Variants in INTS4 observed in about 807,000 individuals in gnomAD.
INTS4 encodes integrator complex subunit 4, also known as MSTP093.
Under a neutral mutation model 119.5 loss-of-function variants are expected in INTS4, and 70 were observed. That is an observed-to-expected ratio of 0.59 (90% CI 0.48 to 0.71). The LOEUF is 0.71. Ranked by LOEUF, INTS4 falls within the 30% of genes least tolerant of loss-of-function variation. The pLI, the probability that INTS4 is intolerant of heterozygous loss-of-function variation, is 0.00. For missense variants in INTS4, 867 were observed against 1,173.2 expected (o/e 0.74, Z 3.81); for synonymous variants, 316 against 419.6 (o/e 0.75, Z 3.02).
Position 77,979,114 on chromosome 11 carries a change from G to T in INTS4, c.365-12C>A, listed in dbSNP as rs377285595. The T allele has an allele frequency of 1.0e-5, 16 of 1,543,906 alleles. No individual in the cohort carries two copies. The African/African-American group carries it at 2.0e-4, about 20-fold the overall frequency. ...GACTTGATGAGACTCTAGAGAGGGA[G>T]ATAGAAAGTTGGCTTGTAGAATTTC... On this transcript the variant is annotated splice_polypyrimidine_tract_variant and intron_variant, in intron 3 of 22. Coordinates refer to ENST00000534064, the MANE Select transcript of INTS4 (RefSeq NM_033547.4).
At chr11:77,934,243 A>G (rs1953735942) in intron 10 of INTS4, among the ~76,000 whole-genome samples, 1 of 152,108 alleles carries the variant, frequency 6.6e-6, no homozygotes, top group African/African-American at 2.4e-5. Flanking sequence ...ACCCAGGGAC[A>G]CAAACACTGC....
chr11:77,970,671 A>G (rs1855693754), intron 4 of INTS4, among the ~76,000 whole-genome samples: 1 of 151,688 alleles, frequency 6.6e-6, no homozygotes, highest in South Asian at 2.1e-4. Context: ...TCTACAAAAA[A>G]TACAAAAGTT....
intron 8 of INTS4, among the ~76,000 whole-genome samples, chr11:77,945,405 A>C (rs935017466): frequency 2.0e-5 from 3 of 152,200 alleles, no homozygotes; most frequent in African/African-American, 7.2e-5. Flanking sequence ...ACTAGTGTGC[A>C]TCCTGCCCTG....
intron 17 of INTS4, among the ~76,000 whole-genome samples, chr11:77,901,998 G>C (rs888215265): frequency 6.6e-6 from 1 of 152,160 alleles, no homozygotes; most frequent in Admixed American, 6.5e-5. Flanking sequence ...TGGTCTGAGG[G>C]AGTTTGGGAC....
chr11:77,922,245 AAG>A, intron 13 of INTS4, 109 bp downstream of exon 13: 8 of 1,398,384 alleles, frequency 5.7e-6, no homozygotes, highest in South Asian at 1.5e-5. Flanking sequence ...AAAAAAAAAA[AAG>A]AAAGAAAAGC....
Position 77,891,841 on chromosome 11 carries a change from C to G in INTS4, c.2289-1G>C. The G allele has an allele frequency of 6.2e-7, 1 of 1,610,990 alleles. No individual in the cohort carries two copies. On this transcript the variant is annotated splice_acceptor_variant, in intron 19 of 22. Transcript: ENST00000534064. LOFTEE classifies it high-confidence loss of function. The stretch of plus-strand genomic sequence containing the variant: ...GTGGGGCAAATCAGCGATGAAATAC[C>G]TGGAGGAACAAACAGAAGCAACTGA...
At chr11:77,993,835 C>T (rs1856794027) in intron 1 of INTS4, among the ~76,000 whole-genome samples, 1 of 151,990 alleles carries the variant, frequency 6.6e-6, no homozygotes, top group African/African-American at 2.4e-5. Flanking sequence ...CTTGACTTAT[C>T]AAATAGAATC....
chr11:77,951,885 T>C (rs1954205141), intron 8 of INTS4, among the ~76,000 whole-genome samples: 1 of 152,132 alleles, frequency 6.6e-6, no homozygotes, highest in South Asian at 2.1e-4. Flanking sequence ...AAAGAAGACA[T>C]TTATGCAGCC....
intron 4 of INTS4, 95 bp from the exon 5 acceptor site, chr11:77,961,233 C>G: frequency 7.1e-7 from 1 of 1,399,416 alleles, no homozygotes; most frequent in Non-Finnish European, 9.3e-7. Flanking sequence ...GAAACAAAAG[C>G]ATTGCAGCAA....
intron 10 of INTS4, among the ~76,000 whole-genome samples, chr11:77,937,989 AG>A (rs1410996096): frequency 6.6e-6 from 1 of 152,114 alleles, no homozygotes; most frequent in East Asian, 1.9e-4. Context: ...CTGAGATTAC[AG>A]GTGTATGCCA....
At chr11:77,920,493 A>T (rs1005144363) in intron 14 of INTS4, among the ~76,000 whole-genome samples, 32 of 151,948 alleles carry the variant, frequency 2.1e-4, no homozygotes, top group Non-Finnish European at 4.0e-4. Flanking sequence ...TTTTAAAAAT[A>T]GTAAAGGTTT....
intron 4 of INTS4, among the ~76,000 whole-genome samples, chr11:77,976,941 G>C (rs7124835): frequency 0.39 from 58,943 of 151,942 alleles, 11,653 homozygotes; most frequent in African/African-American, 0.43. Context: ...TGGGGGAAGG[G>C]GGGAGGGATA....
At chr11:77,950,238 G>A (rs1954156842) in intron 8 of INTS4, among the ~76,000 whole-genome samples, 1 of 152,046 alleles carries the variant, frequency 6.6e-6, no homozygotes, top group Admixed American at 6.6e-5. Context: ...CTGGGGGAGG[G>A]ACAGCATTAG....
intron 11 of INTS4, among the ~76,000 whole-genome samples, chr11:77,927,737 T>C (rs1286144956): frequency 6.6e-6 from 1 of 152,120 alleles, no homozygotes; most frequent in African/African-American, 2.4e-5. Flanking sequence ...ACTACAAGAA[T>C]AAAATCAAAT....
Position 77,981,517 on chromosome 11 carries a change from T to C in INTS4, c.306A>G (p.Thr102=). The C allele has an allele frequency of 6.3e-7, 1 of 1,586,354 alleles. No homozygotes were observed. Among genetic ancestry groups the C allele is most frequent in the Non-Finnish European group, 8.6e-7 (1 of 1,165,350 alleles). The change falls in exon 3 of 23, where the codon ACA becomes ACG. Residue 102 remains threonine (T), a synonymous_variant. Coordinates refer to ENST00000534064, the MANE Select transcript of INTS4 (RefSeq NM_033547.4). Reference sequence around the variant, plus strand: ...TAATGCAGTCTGGTGAAAATCCTGCTGTCTTTGATAATAAACCCAACAATG... The same window carrying C: ...TAATGCAGTCTGGTGAAAATCCTGCCGTCTTTGATAATAAACCCAACAATG... The part of the protein sequence containing the change: ...IASLLGLLSK[T]AGFSPDCIMD...
chr11:77,912,260 G>T (rs899414232), intron 15 of INTS4, among the ~76,000 whole-genome samples: 2 of 151,964 alleles, frequency 1.3e-5, no homozygotes, highest in Admixed American at 6.6e-5. Context: ...TATTCAGGAT[G>T]CTGGGGCAGG....
chr11:77,878,534 G>A (rs184633717), downstream of INTS4, among the ~76,000 whole-genome samples: 11 of 152,108 alleles, frequency 7.2e-5, no homozygotes, highest in East Asian at 1.9e-4. Context: ...CTGTTAAAGC[G>A]GCCTTGGAGT....
At chr11:77,879,220 G>A in intron 22 of INTS4, 93 bp from the exon 23 acceptor site, 1 of 1,384,950 alleles carries the variant, frequency 7.2e-7, no homozygotes, top group Non-Finnish European at 9.9e-7. Flanking sequence ...AATGGAAGCA[G>A]TAGGGAGAAA....
Position 77,958,732 on chromosome 11 carries a change from A to C in INTS4, c.797+14T>G. ...CTTCACAATCAACAAAAGCCAGCTT[A>C]CACCCACACTGACCTTTCAGGATAG... On this transcript the variant is annotated intron_variant, in intron 7 of 22. Coordinates refer to ENST00000534064, the MANE Select transcript of INTS4 (RefSeq NM_033547.4). 1 of 1,555,216 alleles carries C rather than the reference A, an allele frequency of 6.4e-7. No homozygotes were observed. The highest frequency in any genetic ancestry group is 8.9e-7 in the Non-Finnish European group (1 of 1,128,864).
Sources: gnomAD v4.1 joint callset for allele counts (sites outside exome capture counted in the v4.1 genomes callset) on GRCh38, gnomAD v4.1.1 for gene constraint, MANE v1.5 for transcripts, NCBI Gene and HGNC (gene_info 2026-07-23, HGNC 2026-07-21) for gene names.